The following DOK6 variants were observed in gnomAD, a reference collection of about 807,000 sequenced individuals.
DOK6 encodes docking protein 6.
A neutral mutation model predicts 44.0 loss-of-function variants in DOK6; 22 were observed. The observed-to-expected ratio is 0.50, with a 90% CI of 0.36 to 0.71. The LOEUF (loss-of-function observed/expected upper bound fraction) is 0.71, where lower values mean the gene tolerates loss of function less well. Ranked by LOEUF, DOK6 falls within the 30% of genes least tolerant of loss-of-function variation. DOK6 has a pLI of 0.00. For synonymous variants in DOK6, 166 were observed against 145.5 expected (o/e 1.14, Z -1.01); for missense variants, 340 against 416.4 (o/e 0.82, Z 1.60).
At chr18:69,655,774 AAAAAAAAAAC>A in intron 3 of DOK6, among the ~76,000 whole-genome samples, 1 of 147,890 alleles carries the variant, frequency 6.8e-6, no homozygotes, top group Non-Finnish European at 1.5e-5. Flanking sequence ...AAAAAAAAAA[AAAAAAAAAAC>A]AAAAGAACAA....
intron 3 of DOK6, among the ~76,000 whole-genome samples, chr18:69,617,103 T>A (rs1032355390): frequency 6.8e-5 from 9 of 131,840 alleles, no homozygotes; most frequent in African/African-American, 1.6e-4. Context: ...AAAAAAAAAA[T>A]TCACTACAAA....
In DOK6 at chr18:69,762,145, GCATGCATACATACATA is replaced by G. The variant is rs1286432883; in HGVS notation, c.856+4276_856+4291del. 3.7e-3 allele frequency among the ~76,000 whole-genome samples: 406 copies of G among 109,058 alleles called. 4 individuals are homozygous for G. Among genetic ancestry groups the G allele is most frequent in the African/African-American group, 0.012 (356 of 29,704 alleles). 71.5% of individuals were successfully genotyped at this position (109,058 alleles called of 152,430 possible). A position where few individuals can be genotyped will look rare whatever the true frequency, so the allele number is the denominator to read the frequency against. Reference sequence around the variant, plus strand: ...GGCAATATAGTGAGACTCCATCTCTGCATGCATACATACATACATACATACATACATACATACATAC... The same window carrying G: ...GGCAATATAGTGAGACTCCATCTCTGCATACATACATACATACATACATAC... On this transcript the variant is annotated intron_variant, in intron 7 of 7. Transcript: ENST00000382713.
intron 1 of DOK6, among the ~76,000 whole-genome samples, chr18:69,543,556 G>A (rs898243714): frequency 6.6e-6 from 1 of 151,480 alleles, no homozygotes; most frequent in Non-Finnish European, 1.5e-5. Context: ...CCTTGGTGGT[G>A]TAAGTTTTCC....
intron 7 of DOK6, among the ~76,000 whole-genome samples, chr18:69,792,069 T>G (rs1047271639): frequency 3.3e-5 from 5 of 152,138 alleles, no homozygotes; most frequent in Non-Finnish European, 5.9e-5. Context: ...TGTAGATGTA[T>G]GAATTTATTT....
intron 1 of DOK6, among the ~76,000 whole-genome samples, chr18:69,417,371 C>T (rs531357882): frequency 2.1e-4 from 32 of 152,200 alleles, no homozygotes; most frequent in African/African-American, 7.7e-4. Flanking sequence ...TCCATTTTCA[C>T]CTATGTTGCT....
At chr18:69,468,803 A>G (rs891219170) in intron 1 of DOK6, among the ~76,000 whole-genome samples, 7 of 152,224 alleles carry the variant, frequency 4.6e-5, no homozygotes, top group Admixed American at 3.3e-4. Flanking sequence ...TGCATGCAAG[A>G]TGGACTAGAG....
In DOK6 at chr18:69,550,675, T is replaced by C. The variant is rs1599186894; in HGVS notation, c.67-13812T>C. On this transcript the variant is annotated intron_variant, in intron 1 of 7. Coordinates refer to ENST00000382713, the MANE Select transcript of DOK6 (RefSeq NM_152721.6). ...TATGGAGAGCTAAGAGTTATTTTAC[T>C]TCATGTATATGAGAACAAGTTACAT... Among the ~76,000 whole-genome samples, 3 of 152,254 alleles carry C rather than the reference T, an allele frequency of 2.0e-5. No individual in the cohort carries two copies. In the South Asian group the frequency reaches 6.2e-4, roughly 32 times the overall value.
At chr18:69,674,599 A>C (rs1985879031) in intron 3 of DOK6, among the ~76,000 whole-genome samples, 1 of 152,032 alleles carries the variant, frequency 6.6e-6, no homozygotes, top group Non-Finnish European at 1.5e-5. Context: ...GTGTGCACAC[A>C]CACCCACACA....
intron 7 of DOK6, among the ~76,000 whole-genome samples, chr18:69,812,161 G>A (rs933197095): frequency 6.6e-6 from 1 of 152,062 alleles, no homozygotes; most frequent in African/African-American, 2.4e-5. Flanking sequence ...TAACCACAGA[G>A]GGTGGAATCT....
At chr18:69,610,393 A>G (rs1299720661) in intron 3 of DOK6, among the ~76,000 whole-genome samples, 1 of 152,232 alleles carries the variant, frequency 6.6e-6, no homozygotes, top group Non-Finnish European at 1.5e-5. Flanking sequence ...ATACATGAGG[A>G]TACAGGTACA....
At chr18:69,448,418 C>A (rs1979358656) in intron 1 of DOK6, among the ~76,000 whole-genome samples, 1 of 152,094 alleles carries the variant, frequency 6.6e-6, no homozygotes, top group Non-Finnish European at 1.5e-5. Context: ...GTTGCCCAGG[C>A]TGGAGTCCAA....
chr18:69,583,998 C>T (rs1424834905), intron 2 of DOK6, among the ~76,000 whole-genome samples: 1 of 150,698 alleles, frequency 6.6e-6, no homozygotes, highest in Non-Finnish European at 1.5e-5. Context: ...GTCCCAGCTA[C>T]TCAGGAGGCT....
chr18:69,821,553 C>T (rs927956279), intron 7 of DOK6, among the ~76,000 whole-genome samples: 5 of 152,048 alleles, frequency 3.3e-5, no homozygotes, highest in Non-Finnish European at 5.9e-5. Context: ...GCAGTAGTCT[C>T]GTAGAGCAAT....
rs574188705 is a variant in DOK6, at chr18:69,835,921, G to A, written c.857-5323G>A. On this transcript the variant is annotated intron_variant, in intron 7 of 7. Coordinates refer to ENST00000382713, the MANE Select transcript of DOK6 (RefSeq NM_152721.6). The stretch of plus-strand genomic sequence containing the variant: ...TAATACTGCAAGTTTTATGCTTTGG[G>A]ATCTTTCTGACTTTCTACAAAAACA... Among the ~76,000 whole-genome samples, 34 of 152,186 alleles carry A rather than the reference G, an allele frequency of 2.2e-4. 2 individuals are homozygous for A. In the South Asian group the frequency reaches 5.0e-3, roughly 22 times the overall value.
chr18:69,616,947 C>T (rs897712227), intron 3 of DOK6, among the ~76,000 whole-genome samples: 3 of 152,206 alleles, frequency 2.0e-5, no homozygotes, highest in African/African-American at 2.4e-5. Context: ...GTAGCAATCT[C>T]TTAATAAGCT....
chr18:69,621,538 T>C (rs886613509), intron 3 of DOK6, among the ~76,000 whole-genome samples: 16 of 152,176 alleles, frequency 1.1e-4, no homozygotes, highest in Admixed American at 1.0e-3. Context: ...AAGTTGACTT[T>C]GCAAGGAAGT....
At chr18:69,714,193 G>C (rs540617083) in intron 5 of DOK6, among the ~76,000 whole-genome samples, 6 of 152,180 alleles carry the variant, frequency 3.9e-5, no homozygotes, top group Non-Finnish European at 7.3e-5. Context: ...GTAAACAGAC[G>C]TACAGCTTCT....
At chr18:69,775,357 C>T (rs996031751) in intron 7 of DOK6, among the ~76,000 whole-genome samples, 1 of 151,722 alleles carries the variant, frequency 6.6e-6, no homozygotes, top group African/African-American at 2.4e-5. Flanking sequence ...TATACATTAA[C>T]TTTAATAACA....
At chr18:69,840,339 C>G (rs1196495693) in intron 7 of DOK6, among the ~76,000 whole-genome samples, 1 of 152,204 alleles carries the variant, frequency 6.6e-6, no homozygotes, top group African/African-American at 2.4e-5. Flanking sequence ...CCTCTAAGCT[C>G]ATCCATTAGA....
Sources: allele counts gnomAD v4.1 joint callset (sites outside exome capture counted in the v4.1 genomes callset), GRCh38; gene constraint gnomAD v4.1.1; transcripts MANE v1.5; gene names NCBI Gene and HGNC (gene_info 2026-07-23, HGNC 2026-07-21).